USP11: variants seen among roughly 807,000 people sequenced by gnomAD.
The protein encoded by USP11 is ubiquitin carboxyl-terminal hydrolase 11.
USP11 carries 5 observed loss-of-function variants against 72.8 expected under a neutral mutation model. The observed-to-expected ratio is 0.07, with a 90% CI of 0.04 to 0.14. The LOEUF is 0.14. USP11 is among the 10% of genes least tolerant of loss of function. The pLI is 1.00. For missense variants in USP11, 480 were observed against 794.7 expected, an observed-to-expected ratio of 0.60 and a Z score of 4.76; for synonymous variants, 368 against 326.5, an observed-to-expected ratio of 1.13 and a Z score of -1.37.
intron 1 of USP11, among the ~76,000 whole-genome samples, chrX:47,234,460 A>C (rs748131710): frequency 8.9e-6 from 1 of 112,448 alleles, no homozygotes; most frequent in African/African-American, 3.2e-5. Context: ...AGTACTACTA[A>C]TAATTGTGAT....
chrX:47,241,976 G>A (rs2055405640), intron 9 of USP11, 106 bp from the exon 10 acceptor site: 1 of 893,633 alleles, frequency 1.1e-6, no homozygotes, highest in Non-Finnish European at 1.6e-6. Context: ...CTCTGCCTCT[G>A]GACTTTAGCA....
At chrX:47,233,548 A>C in intron 1 of USP11, 6 of 893,450 alleles carry the variant, frequency 6.7e-6, no homozygotes, top group Non-Finnish European at 8.3e-6. Flanking sequence ...GTTCTGCTAC[A>C]TAAGGCGGGG....
rs938635731 is a variant in USP11 at position 47,245,105 on chromosome X, A to T, written c.2157+19A>T. ...GGCTGAGGTAAATGAGATCCCAGGG[A>T]TGGGGGGTACTTCCAGCTCTTGCCC... is the stretch of plus-strand genomic sequence containing the variant. On this transcript the variant is annotated intron_variant, in intron 16 of 20. Transcript: ENST00000377107. The T allele has an allele frequency of 1.1e-5, 13 of 1,204,230 alleles. No individual in the cohort carries two copies. The Middle Eastern group carries it at 2.1e-3, about 196-fold the overall frequency.
At chrX:47,245,108 G>T (rs766745464) in intron 16 of USP11, 22 bp downstream of exon 16, 3 of 1,203,128 alleles carry the variant, frequency 2.5e-6, no homozygotes, top group Admixed American at 2.2e-5. Context: ...CCCAGGGATG[G>T]GGGGTACTTC....
intron 1 of USP11, chrX:47,233,652 C>T: frequency 1.6e-6 from 1 of 608,784 alleles, no homozygotes; most frequent in Non-Finnish European, 2.0e-6. Context: ...TTTGTGACGT[C>T]AGCAGAAGAG....
chrX:47,247,878 C>A lies in USP11; in HGVS notation c.2711C>A (p.Ala904Asp). ...LSPAGSSGAP[A>D]SPACSSPPSS... ...CCGGCCGGCTCATCTGGCGCCCCAG[C>A]CTCCCCTGCCTGCAGCTCCCCACCC... The change falls in exon 21 of 21, where the codon GCC becomes GAC. Residue 904 changes from alanine to aspartate, a missense_variant. Transcript: ENST00000377107. The A allele has an allele frequency of 8.3e-7, 1 of 1,206,368 alleles. No individual in the cohort carries two copies.
chrX:47,245,576 C>A, intron 17 of USP11, 94 bp downstream of exon 17: 2 of 551,536 alleles, frequency 3.6e-6, no homozygotes, highest in Non-Finnish European at 5.6e-6. Flanking sequence ...CAGAGTCTGG[C>A]TCTGTCAACC....
At chrX:47,241,865 G>A (rs1394524104) in intron 9 of USP11, among the ~76,000 whole-genome samples, 166 bp downstream of exon 9, 1 of 111,445 alleles carries the variant, frequency 9.0e-6, no homozygotes, top group African/African-American at 3.3e-5. Flanking sequence ...TACCATATCT[G>A]CCCCCACAGT....
At chrX:47,241,996 C>T (rs1262898631) in intron 9 of USP11, 86 bp from the exon 10 acceptor site, 16 of 1,015,130 alleles carry the variant, frequency 1.6e-5, no homozygotes, top group Admixed American at 1.1e-4. Context: ...AGTGGCCTTC[C>T]GCTTCACCCC....
At chrX:47,246,196 T>C (rs1329470438) in intron 17 of USP11, among the ~76,000 whole-genome samples, 2 of 112,567 alleles carry the variant, frequency 1.8e-5, no homozygotes, top group East Asian at 2.8e-4. Context: ...TTTTGTGTTA[T>C]TTGTCATCTT....
Position 47,233,062 on chromosome X carries a change from A to C in USP11, c.19A>C (p.Asn7His), listed in dbSNP as rs985953642. 2 of 1,208,311 alleles carry C rather than the reference A, an allele frequency of 1.7e-6. No homozygotes were observed. The highest frequency in any genetic ancestry group is 3.5e-5 in the African/African-American group (2 of 57,264). The change falls in exon 1 of 21, where the codon AAT (asparagine) becomes CAT (histidine). Residue 7 changes from asparagine (N) to histidine (H), a missense_variant. Physicochemically the swap from Asn to His is moderately conservative, Grantham distance 68 (BLOSUM62 1). Transcript: ENST00000377107. ...GACGGCGATGGCGACGGTCGCAGCA[A>C]ATCCAGCTGCTGCTGCGGCGGCTGT... is the stretch of plus-strand genomic sequence containing the variant. MATVAA[N>H]PAAAAAAVAA... is the part of the protein sequence containing the mutation.
chrX:47,245,634 TC>T, intron 17 of USP11, 152 bp downstream of exon 17: 1 of 400,603 alleles, frequency 2.5e-6, no homozygotes, highest in Non-Finnish European at 4.3e-6. Context: ...AACCTCTGCC[TC>T]CCAGGATCAA....
In USP11 at chrX:47,233,094, G is replaced by GGCA; in HGVS notation, c.54_56dup (p.Ala20dup). Reference sequence around the variant, plus strand: ...CTGCTGCTGCGGCGGCTGTGGCGGCGGCAGCGGCGGTGACTGAGGATAGAG... The same window carrying GGCA: ...CTGCTGCTGCGGCGGCTGTGGCGGCGGCAGCAGCGGCGGTGACTGAGGATAGAG... On this transcript the variant is annotated inframe_insertion, in exon 1 of 21. Transcript: ENST00000377107. 1 of 1,198,186 alleles carries GGCA rather than the reference G, an allele frequency of 8.3e-7. No homozygotes were observed. The highest frequency in any genetic ancestry group is 1.1e-6 in the Non-Finnish European group (1 of 888,174).
In USP11 at chrX:47,243,558, C is replaced by A. The variant is rs1372917230; in HGVS notation, c.1746C>A (p.Arg582=). ...TCCTGGTATCAGTGCCCCGGGACCGCTTCACCTGGGAGGGCCTGTATAACG... is the reference window on the plus strand; with the variant it reads ...TCCTGGTATCAGTGCCCCGGGACCGATTCACCTGGGAGGGCCTGTATAACG... ...HPLLVSVPRD[R]FTWEGLYNVL... Residue 582 remains arginine (R), a synonymous_variant, in exon 13 of 21, where the codon CGC becomes CGA. Coordinates refer to ENST00000377107, the MANE Select transcript of USP11 (RefSeq NM_001371072.1). 1 of 1,210,081 alleles carries A rather than the reference C, an allele frequency of 8.3e-7. No homozygotes were observed. Among genetic ancestry groups the A allele is most frequent in the Non-Finnish European group, 1.1e-6 (1 of 895,243 alleles).
chrX:47,235,126 C>G (rs1441649449), intron 1 of USP11, among the ~76,000 whole-genome samples: 1 of 112,057 alleles, frequency 8.9e-6, no homozygotes, highest in Non-Finnish European at 1.9e-5. Context: ...ATGGAAATTC[C>G]CCTCCTTGCT....
At chrX:47,238,484 G>A (rs948410539) in intron 1 of USP11, among the ~76,000 whole-genome samples, 11 of 64,816 alleles carry the variant, frequency 1.7e-4, no homozygotes, top group Non-Finnish European at 2.3e-4. Flanking sequence ...CACTGTGCCC[G>A]GTCTTTTTTT....
At position 47,243,650 on chromosome X, in the gene USP11, C is replaced by T. The variant is rs73201999; in HGVS notation, c.1790+48C>T. On this transcript the variant is annotated intron_variant, in intron 13 of 20. Coordinates refer to ENST00000377107, the MANE Select transcript of USP11 (RefSeq NM_001371072.1). ...GTGGGGGGCGGAGGGGTCTGAACTC[C>T]GACTTGGGTGTTTAGCTGCTTATTT... 9,993 of 1,140,108 alleles carry T rather than the reference C, an allele frequency of 8.8e-3. 46 individuals carry two copies. The highest frequency in any genetic ancestry group is 0.011 in the Non-Finnish European group (9,097 of 838,489). The allele number at this position is 1,140,108 out of a possible 1,213,427, so 94.0% of individuals were successfully genotyped here.
intron 12 of USP11, 79 bp downstream of exon 12, chrX:47,242,799 C>T (rs967090812): frequency 1.3e-5 from 10 of 773,516 alleles, no homozygotes; most frequent in Admixed American, 4.6e-5. Context: ...CCTTAACCAC[C>T]TTCTCTCTTC....
At chrX:47,239,560 T>C (rs2055391503) in intron 3 of USP11, 79 bp downstream of exon 3, 6 of 1,164,609 alleles carry the variant, frequency 5.2e-6, no homozygotes, top group East Asian at 3.0e-5. Context: ...TACAGATCCA[T>C]GTATGCTGGG....
Sources: gnomAD v4.1 joint callset for allele counts (sites outside exome capture counted in the v4.1 genomes callset) on GRCh38, gnomAD v4.1.1 for gene constraint, MANE v1.5 for transcripts, NCBI Gene and HGNC (gene_info 2026-07-23, HGNC 2026-07-21) for gene names.